The following PFN2 variants were observed in gnomAD, a reference collection of about 807,000 sequenced individuals.
PFN2 encodes profilin 2.
Under a neutral mutation model 15.3 loss-of-function variants are expected in PFN2, and 8 were observed. The ratio of observed to expected loss-of-function variants is 0.52; its 90% CI spans 0.31 to 0.95. The LOEUF (loss-of-function observed/expected upper bound fraction) is 0.95, where lower values mean the gene tolerates loss of function less well. PFN2 is among the 40% of genes least tolerant of loss of function. The probability of loss-of-function intolerance (pLI) is 0.05; values close to 1 mark genes in which losing one functional copy is unlikely to be tolerated. For missense variants in PFN2, 111 were observed against 182.3 expected (o/e 0.61, Z 2.25); for synonymous variants, 79 against 67.9 (o/e 1.16, Z -0.81).
chr3:149,965,897 T>C lies in PFN2; in HGVS notation c.*592A>G, dbSNP rs1722677609. The C allele has an allele frequency of 1.6e-6, 2 of 1,273,994 alleles. No individual in the cohort carries two copies. Among genetic ancestry groups the C allele is most frequent in the Non-Finnish European group, 9.9e-7 (1 of 1,010,222 alleles). The allele number at this position is 1,273,994 out of a possible 1,614,324, so 78.9% of individuals were successfully genotyped here. On this transcript the variant is annotated 3_prime_UTR_variant, in exon 3 of 3. Transcript: ENST00000239940. ...ATTTTAGTAATCAATATCCCATTAA[T>C]TGCTAAGACAAAGTGATGCCCAACT...
In PFN2 at chr3:149,965,436, A is replaced by G. The variant is rs1051695077; in HGVS notation, c.*1053T>C. Reference sequence around the variant, plus strand: ...AAGGAAGAAAAATCTGAGCTATTGCAATGATGGAATGTCCCTGGGGATTCA... The same window carrying G: ...AAGGAAGAAAAATCTGAGCTATTGCGATGATGGAATGTCCCTGGGGATTCA... On this transcript the variant is annotated 3_prime_UTR_variant, in exon 3 of 3. Transcript: ENST00000239940. The G allele has an allele frequency of 1.7e-5, 25 of 1,442,726 alleles. No homozygotes were observed. In the African/African-American group the frequency reaches 3.4e-4, roughly 20 times the overall value. The allele number at this position is 1,442,726 out of a possible 1,614,324, so 89.4% of individuals were successfully genotyped here.
Position 149,965,853 on chromosome 3 carries a change from C to A in PFN2, c.*636G>T. The A allele has an allele frequency of 2.6e-6, 3 of 1,153,054 alleles. No homozygotes were observed. Among genetic ancestry groups the A allele is most frequent in the Non-Finnish European group, 3.2e-6 (3 of 935,230 alleles). 71.4% of individuals were successfully genotyped at this position (1,153,054 alleles called of 1,614,324 possible). Reference sequence around the variant, plus strand: ...CTGATCAGAGATTGTACAACCGGCACCTTGCTTAATATTAACTTATTTTAG... The same window carrying A: ...CTGATCAGAGATTGTACAACCGGCAACTTGCTTAATATTAACTTATTTTAG... On this transcript the variant is annotated 3_prime_UTR_variant, in exon 3 of 3. Coordinates refer to ENST00000239940, the MANE Select transcript of PFN2 (RefSeq NM_053024.4).
At chr3:149,970,430 G>C (rs1191788532) in intron 1 of PFN2, 2 of 252,806 alleles carry the variant, frequency 7.9e-6, no homozygotes, top group Non-Finnish European at 7.5e-6. Flanking sequence ...TGGCCGGTGC[G>C]TGCCCCCTCC....
At chr3:149,966,847 A>G (rs1722707636) in intron 2 of PFN2, among the ~76,000 whole-genome samples, 1 of 145,270 alleles carries the variant, frequency 6.9e-6, no homozygotes, top group African/African-American at 2.5e-5. Flanking sequence ...CTAGCTACAG[A>G]AAAAAAAAAA....
Position 149,968,349 on chromosome 3 carries a change from C to T in PFN2, c.325+9G>A. The T allele has an allele frequency of 1.9e-6, 3 of 1,611,350 alleles. No individual in the cohort carries two copies. The highest frequency in any genetic ancestry group is 2.5e-6 in the Non-Finnish European group (3 of 1,178,390). ...CATGCAACTTTAACCAAAAGAATGC[C>T]TTACTCACCTCTACCAGCTCTGCCG... On this transcript the variant is annotated intron_variant, in intron 2 of 2. Transcript: ENST00000239940.
In PFN2 at chr3:149,966,090, T is replaced by C; in HGVS notation, c.*399A>G. On this transcript the variant is annotated 3_prime_UTR_variant, in exon 3 of 3. Transcript: ENST00000239940. ...ATAGGTAAAGAAAAATTAGCTACCA[T>C]CTACAGTTTGGTAGCATTGTGACCA... is the stretch of plus-strand genomic sequence containing the variant. The C allele has an allele frequency of 1.9e-6, 3 of 1,548,670 alleles. No individual in the cohort carries two copies. The highest frequency in any genetic ancestry group is 2.6e-6 in the Non-Finnish European group (3 of 1,151,616).
In PFN2 at chr3:149,966,658, G is replaced by A. The variant is rs1722699539; in HGVS notation, c.326-72C>T. On this transcript the variant is annotated intron_variant, in intron 2 of 2. Transcript: ENST00000239940. ...AAAGTCACATAAGTTTTAGCAGACAGAACCCGGATTAATAAGTTAACATTA... is the reference window on the plus strand; with the variant it reads ...AAAGTCACATAAGTTTTAGCAGACAAAACCCGGATTAATAAGTTAACATTA... The A allele has an allele frequency of 2.7e-6, 3 of 1,108,136 alleles. No individual in the cohort carries two copies. In the South Asian group the frequency reaches 3.9e-5, roughly 14 times the overall value. 68.6% of individuals were successfully genotyped at this position (1,108,136 alleles called of 1,614,324 possible). A position where few individuals can be genotyped will look rare whatever the true frequency, so the allele number is the denominator to read the frequency against.
chr3:149,965,454 G>A lies in PFN2; in HGVS notation c.*1035C>T. On this transcript the variant is annotated 3_prime_UTR_variant, in exon 3 of 3. Coordinates refer to ENST00000239940, the MANE Select transcript of PFN2 (RefSeq NM_053024.4). ...CTATTGCAATGATGGAATGTCCCTG[G>A]GGATTCAATCAGTATGGTTACTGTA... The A allele has an allele frequency of 1.4e-6, 2 of 1,439,662 alleles. No homozygotes were observed. Among genetic ancestry groups the A allele is most frequent in the Non-Finnish European group, 1.8e-6 (2 of 1,104,936 alleles). The allele number at this position is 1,439,662 out of a possible 1,614,324, so 89.2% of individuals were successfully genotyped here.
At position 149,970,756 on chromosome 3, in the gene PFN2, G is replaced by C; in HGVS notation, c.101C>G (p.Ala34Gly). Residue 34 changes from alanine (A) to glycine (G), a missense_variant, in exon 1 of 3, where the codon GCC becomes GGC. By Grantham distance (60) the Ala-to-Gly change is moderately conservative. Around this residue, in one of 2 missense-constraint regions of PFN2, gnomAD observed 64 missense variants for 69.7 expected, o/e 0.92. Transcript: ENST00000239940. ...GYCDAKYVWAATAGGVFQSIT... is the reference protein window; with the variant it reads ...GYCDAKYVWAGTAGGVFQSIT... ...GCTCTGAAAGACGCCCCCGGCCGTG[G>C]CTGCCCAGACGTATTTGGCGTCGCA... 1 of 1,519,966 alleles carries C rather than the reference G, an allele frequency of 6.6e-7. No homozygotes were observed. Among genetic ancestry groups the C allele is most frequent in the South Asian group, 1.2e-5 (1 of 82,142 alleles). The allele number at this position is 1,519,966 out of a possible 1,614,324, so 94.2% of individuals were successfully genotyped here.
intron 1 of PFN2, among the ~76,000 whole-genome samples, chr3:149,969,149 G>C (rs1722772994): frequency 6.6e-6 from 1 of 152,002 alleles, no homozygotes. Flanking sequence ...TTCTAGCCAC[G>C]ACTCCCGTTT....
At chr3:149,967,957 T>C (rs1266968544) in intron 2 of PFN2, among the ~76,000 whole-genome samples, 1 of 152,046 alleles carries the variant, frequency 6.6e-6, no homozygotes, top group Non-Finnish European at 1.5e-5. Context: ...AGTGAAATGG[T>C]TAGAATACAA....
At chr3:149,968,251 C>G in intron 2 of PFN2, 107 bp downstream of exon 2, 2 of 993,210 alleles carry the variant, frequency 2.0e-6, no homozygotes, top group Non-Finnish European at 3.1e-6. Context: ...TCACAAAAAC[C>G]ACCTTAATAG....
chr3:149,967,351 G>A (rs13315088), intron 2 of PFN2, among the ~76,000 whole-genome samples: 99,656 of 152,088 alleles, frequency 0.66, 33,202 homozygotes, highest in East Asian at 0.85. Flanking sequence ...TCTTTTCAGC[G>A]TATAGTGCAG....
At position 149,965,552 on chromosome 3, in the gene PFN2, A is replaced by G; in HGVS notation, c.*937T>C. The G allele has an allele frequency of 3.9e-6, 5 of 1,282,232 alleles. No homozygotes were observed. Among genetic ancestry groups the G allele is most frequent in the Non-Finnish European group, 4.9e-6 (5 of 1,017,274 alleles). The allele number at this position is 1,282,232 out of a possible 1,614,324, so 79.4% of individuals were successfully genotyped here. A position where few individuals can be genotyped will look rare whatever the true frequency, so the allele number is the denominator to read the frequency against. ...TTCATATGTCCTGTAGACACTATGA[A>G]TAAAGGTTTGTCTCTGCTCAAGTGC... On this transcript the variant is annotated 3_prime_UTR_variant, in exon 3 of 3. Coordinates refer to ENST00000239940, the MANE Select transcript of PFN2 (RefSeq NM_053024.4).
chr3:149,970,388 T>G (rs904861955), intron 1 of PFN2: 8 of 182,042 alleles, frequency 4.4e-5, no homozygotes, highest in Non-Finnish European at 7.9e-5. Context: ...GGAACCGCAC[T>G]AGGAGGAAAA....
rs1304352001 is a variant in PFN2 at position 149,966,652 on chromosome 3, C to T, written c.326-66G>A. The T allele has an allele frequency of 7.7e-6, 9 of 1,170,296 alleles. 1 individual carries two copies. The South Asian group carries it at 1.1e-4, about 15-fold the overall frequency. The allele number at this position is 1,170,296 out of a possible 1,614,324, so 72.5% of individuals were successfully genotyped here. The stretch of plus-strand genomic sequence containing the variant: ...ATCAAGAAAGTCACATAAGTTTTAG[C>T]AGACAGAACCCGGATTAATAAGTTA... On this transcript the variant is annotated intron_variant, in intron 2 of 2. Transcript: ENST00000239940.
At position 149,966,006 on chromosome 3, in the gene PFN2, C is replaced by G; in HGVS notation, c.*483G>C. The G allele has an allele frequency of 2.1e-6, 3 of 1,436,946 alleles. No individual in the cohort carries two copies. The highest frequency in any genetic ancestry group is 2.3e-4 in the Middle Eastern group (1 of 4,384). 89.0% of individuals were successfully genotyped at this position (1,436,946 alleles called of 1,614,324 possible). On this transcript the variant is annotated 3_prime_UTR_variant, in exon 3 of 3. Transcript: ENST00000239940. The stretch of plus-strand genomic sequence containing the variant: ...TATGTTGCCAGATAAGGGTTGGTTA[C>G]ATACAGTGGTTAACATACAAATGAT...
Position 149,965,720 on chromosome 3 carries a change from G to GGGGGGGC in PFN2, c.*768_*769insGCCCCCC. 1 of 632,140 alleles carries GGGGGGGC rather than the reference G, an allele frequency of 1.6e-6. No homozygotes were observed. Among genetic ancestry groups the GGGGGGGC allele is most frequent in the Non-Finnish European group, 2.0e-6 (1 of 510,714 alleles). 39.2% of individuals were successfully genotyped at this position (632,140 alleles called of 1,614,324 possible). A position where few individuals can be genotyped will look rare whatever the true frequency, so the allele number is the denominator to read the frequency against. On this transcript the variant is annotated 3_prime_UTR_variant, in exon 3 of 3. Coordinates refer to ENST00000239940, the MANE Select transcript of PFN2 (RefSeq NM_053024.4). The stretch of plus-strand genomic sequence containing the variant: ...CTATGTGCGAAGGGAGGGGGGGCGG[G>GGGGGGGC]AAAAAGAGAAGAGTGAAGGAATGAT...
intron 1 of PFN2, chr3:149,970,469 G>T (rs1722830297): frequency 3.4e-6 from 1 of 292,202 alleles, no homozygotes; most frequent in Non-Finnish European, 6.3e-6. Flanking sequence ...ACCGACGCTG[G>T]GAACGCCGGG....
Sources: gnomAD v4.1 joint callset for allele counts (sites outside exome capture counted in the v4.1 genomes callset) on GRCh38, gnomAD v4.1.1 for gene constraint, gnomAD v4.1.1 regional missense constraint, MANE v1.5 for transcripts, NCBI Gene and HGNC (gene_info 2026-07-23, HGNC 2026-07-21) for gene names.